PTGER3: variants seen among roughly 807,000 people sequenced by gnomAD.
The protein encoded by PTGER3 is prostaglandin E2 receptor EP3 subtype.
PTGER3 carries 22 observed loss-of-function variants against 34.7 expected under a neutral mutation model. The observed-to-expected ratio is 0.63, with a 90% CI of 0.45 to 0.91. PTGER3 has a LOEUF of 0.91. Among genes scored for constraint, PTGER3 ranks in the 40% least tolerant of loss-of-function variants. PTGER3 has a pLI of 0.00. For missense variants in PTGER3, 468 were observed against 519.4 expected (o/e 0.90, Z 0.96); for synonymous variants, 241 against 230.1 (o/e 1.05, Z -0.43).
At chr1:70,934,959 C>T (rs116719787) in intron 4 of PTGER3, among the ~76,000 whole-genome samples, 1 of 152,068 alleles carries the variant, frequency 6.6e-6, no homozygotes, top group Non-Finnish European at 1.5e-5. Flanking sequence ...TCCCTTTTGG[C>T]CCTTCAAGGT....
chr1:70,888,907 C>T (rs1646553950), intron 4 of PTGER3, among the ~76,000 whole-genome samples: 1 of 152,136 alleles, frequency 6.6e-6, no homozygotes, highest in Admixed American at 6.5e-5. Flanking sequence ...GAATAATGTG[C>T]ATAACAATTT....
chr1:70,879,957 G>A (rs2100586800), intron 4 of PTGER3, among the ~76,000 whole-genome samples: 1 of 152,110 alleles, frequency 6.6e-6, no homozygotes, highest in Admixed American at 6.5e-5. Flanking sequence ...GCTGGGCGTG[G>A]TGGTGCGTAC....
chr1:70,887,935 G>A (rs1305180956), intron 4 of PTGER3, among the ~76,000 whole-genome samples: 1 of 151,248 alleles, frequency 6.6e-6, no homozygotes, highest in Non-Finnish European at 1.5e-5. Context: ...ACTCAAAATA[G>A]GTATGGGTAA....
intron 2 of PTGER3, chr1:71,011,927 C>A (rs5674): frequency 3.2e-4 from 381 of 1,205,614 alleles, no homozygotes; most frequent in Non-Finnish European, 3.6e-4. Flanking sequence ...CCCCAATAGA[C>A]CAAGATCATT....
At chr1:70,917,597 A>G (rs1367367241) in intron 4 of PTGER3, among the ~76,000 whole-genome samples, 1 of 151,894 alleles carries the variant, frequency 6.6e-6, no homozygotes, top group East Asian at 1.9e-4. Context: ...GGATTATATG[A>G]TAGATCTATT....
intron 2 of PTGER3, among the ~76,000 whole-genome samples, chr1:70,993,903 T>C (rs932992969): frequency 6.6e-6 from 1 of 152,234 alleles, no homozygotes; most frequent in South Asian, 2.1e-4. Flanking sequence ...AACTTCCTTG[T>C]GCCCCAAAAG....
chr1:70,967,535 T>C (rs941732405), downstream of PTGER3, among the ~76,000 whole-genome samples: 1 of 152,142 alleles, frequency 6.6e-6, no homozygotes, highest in East Asian at 1.9e-4. Flanking sequence ...AAATATTTTG[T>C]ATTAATAAAA....
intron 2 of PTGER3, among the ~76,000 whole-genome samples, chr1:70,993,727 T>C (rs1217943276): frequency 8.5e-5 from 13 of 152,084 alleles, no homozygotes; most frequent in Admixed American, 7.2e-4. Context: ...TGGTTAAGTA[T>C]AGTAATAAGC....
chr1:70,861,828 T>C (rs577705734), intron 4 of PTGER3, among the ~76,000 whole-genome samples: 181 of 152,262 alleles, frequency 1.2e-3, no homozygotes, highest in Admixed American at 2.0e-3. Context: ...AAACTCTCAT[T>C]TCTTAACATT....
At chr1:70,906,789 G>C (rs1295613188) in intron 4 of PTGER3, among the ~76,000 whole-genome samples, 3 of 152,252 alleles carry the variant, frequency 2.0e-5, no homozygotes, top group Non-Finnish European at 1.5e-5. Context: ...GAGAGAGTTA[G>C]CATTTGACAT....
chr1:70,957,748 T>C (rs529425982), intron 2 of PTGER3, among the ~76,000 whole-genome samples: 1 of 152,286 alleles, frequency 6.6e-6, no homozygotes, highest in Non-Finnish European at 1.5e-5. Flanking sequence ...AGTACAATGT[T>C]ATTTTTCTAT....
intron 4 of PTGER3, among the ~76,000 whole-genome samples, chr1:70,910,911 T>C (rs1240197110): frequency 6.6e-6 from 1 of 151,802 alleles, no homozygotes; most frequent in Non-Finnish European, 1.5e-5. Context: ...TGAAACCCCA[T>C]CTCTACTAAA....
intron 1 of PTGER3, among the ~76,000 whole-genome samples, chr1:71,022,579 G>T (rs1322458238): frequency 1.3e-5 from 2 of 151,816 alleles, no homozygotes; most frequent in African/African-American, 4.9e-5. Context: ...TCTCACAGGA[G>T]AATCCAAAAT....
intron 4 of PTGER3, among the ~76,000 whole-genome samples, chr1:70,881,970 T>G (rs1423683612): frequency 6.6e-6 from 1 of 152,224 alleles, no homozygotes; most frequent in Admixed American, 6.5e-5. Flanking sequence ...CCCTGCCATC[T>G]GGGTGTTTCC....
chr1:70,996,641 T>TTATG (rs200418815), intron 2 of PTGER3, among the ~76,000 whole-genome samples: 1 of 133,234 alleles, frequency 7.5e-6, no homozygotes, highest in African/African-American at 3.0e-5. Flanking sequence ...TTTTGTATTT[T>TTATG]TATTTATTTA....
At chr1:70,900,415 A>G (rs1572593082) in intron 4 of PTGER3, among the ~76,000 whole-genome samples, 1 of 152,316 alleles carries the variant, frequency 6.6e-6, no homozygotes, top group South Asian at 2.1e-4. Context: ...ATGCAGGAAC[A>G]AATGATTGAG....
chr1:70,981,336 T>C (rs865867427), intron 2 of PTGER3, among the ~76,000 whole-genome samples: 3 of 50,010 alleles, frequency 6.0e-5, no homozygotes, highest in Admixed American at 2.2e-4. Context: ...TCTTTCTTTC[T>C]TTCTTTCTTT....
At chr1:71,039,125 T>C (rs2100984330) in intron 1 of PTGER3, among the ~76,000 whole-genome samples, 1 of 152,270 alleles carries the variant, frequency 6.6e-6, no homozygotes, top group East Asian at 1.9e-4. Context: ...AACTGTTCAC[T>C]GCAGATAAGT....
intron 4 of PTGER3, among the ~76,000 whole-genome samples, chr1:70,858,148 G>A (rs1226047020): frequency 6.6e-6 from 1 of 150,808 alleles, no homozygotes; most frequent in Non-Finnish European, 1.5e-5. Context: ...GGTAAAATGG[G>A]ATGATAGAGG....
Sources: gnomAD v4.1 joint callset for allele counts (sites outside exome capture counted in the v4.1 genomes callset) on GRCh38, gnomAD v4.1.1 for gene constraint, MANE v1.5 for transcripts, NCBI Gene and HGNC (gene_info 2026-07-23, HGNC 2026-07-21) for gene names.